The following BMAL1 variants were observed in gnomAD, a reference collection of about 807,000 sequenced individuals.
The protein encoded by BMAL1 is basic helix-loop-helix ARNT like 1.
At chr11:13,354,259 A>T in the BMAL1 span, 1 of 1,352,200 alleles carries the variant, frequency 7.4e-7, no homozygotes, top group Non-Finnish European at 9.7e-7. Flanking sequence ...TTGAGAGCTC[A>T]TCGAAATAAA....
the BMAL1 span, among the ~76,000 whole-genome samples, chr11:13,284,166 A>G: frequency 5.3e-5 from 5 of 93,774 alleles, no homozygotes; most frequent in African/African-American, 1.1e-4. Flanking sequence ...ATATGTGTGT[A>G]TATATATATA....
At chr11:13,334,528 G>GT in the BMAL1 span, among the ~76,000 whole-genome samples, 113,822 of 145,606 alleles carry the variant, frequency 0.78, 45,397 homozygotes, top group Non-Finnish European at 0.88. Context: ...GGCTCTTGAT[G>GT]TTTTTTTTTT....
At chr11:13,284,266 A>ATATATATAT in the BMAL1 span, among the ~76,000 whole-genome samples, 4 of 44,882 alleles carry the variant, frequency 8.9e-5, no homozygotes, top group Non-Finnish European at 1.9e-4. Context: ...ATATATATAT[A>ATATATATAT]TTTTTTTTTT....
the BMAL1 span, among the ~76,000 whole-genome samples, chr11:13,284,262 ATATATT>A: frequency 3.1e-5 from 2 of 64,498 alleles, no homozygotes; most frequent in African/African-American, 2.4e-4. Flanking sequence ...ATATATATAT[ATATATT>A]TTTTTTTTTA....
At chr11:13,354,050 A>C in the BMAL1 span, among the ~76,000 whole-genome samples, 2,532 of 152,292 alleles carry the variant, frequency 0.017, 31 homozygotes, top group South Asian at 0.025. Flanking sequence ...TGTCTTCACC[A>C]GAAAAATGAG....
At chr11:13,282,765 C>T in the BMAL1 span, among the ~76,000 whole-genome samples, 58 of 152,356 alleles carry the variant, frequency 3.8e-4, no homozygotes, top group Non-Finnish European at 7.2e-4. Flanking sequence ...CTCACCTGCT[C>T]GCTCAGCCTG....
chr11:13,376,907 C>T, the BMAL1 span: 1 of 601,330 alleles, frequency 1.7e-6, no homozygotes, highest in African/African-American at 1.9e-5. Flanking sequence ...GTCACTTTCT[C>T]TGTTGAGCCG....
At chr11:13,296,330 G>C in the BMAL1 span, among the ~76,000 whole-genome samples, 1 of 152,084 alleles carries the variant, frequency 6.6e-6, no homozygotes, top group Admixed American at 6.5e-5. Flanking sequence ...TGCAGTATGG[G>C]AATCTGTAAG....
the BMAL1 span, among the ~76,000 whole-genome samples, chr11:13,347,781 T>C: frequency 6.6e-6 from 1 of 151,958 alleles, no homozygotes; most frequent in African/African-American, 2.4e-5. Context: ...GCCCAGGAGA[T>C]GGAGATTGCA....
At chr11:13,287,363 T>G in the BMAL1 span, among the ~76,000 whole-genome samples, 1 of 152,162 alleles carries the variant, frequency 6.6e-6, no homozygotes, top group Non-Finnish European at 1.5e-5. Context: ...AGCGAGGAGT[T>G]GGTACAAGAA....
At chr11:13,329,216 T>C in the BMAL1 span, among the ~76,000 whole-genome samples, 175 of 152,294 alleles carry the variant, frequency 1.1e-3, no homozygotes, top group African/African-American at 4.1e-3. Flanking sequence ...TTACGTCGGA[T>C]GGCCAGCAGA....
chr11:13,307,436 C>T, the BMAL1 span, among the ~76,000 whole-genome samples: 14 of 152,256 alleles, frequency 9.2e-5, no homozygotes, highest in South Asian at 8.3e-4. Flanking sequence ...TCACCTGTAG[C>T]GACAGCATCA....
chr11:13,343,703 A>G, the BMAL1 span, among the ~76,000 whole-genome samples: 2 of 152,192 alleles, frequency 1.3e-5, no homozygotes, highest in Non-Finnish European at 2.9e-5. Flanking sequence ...AGCTAGATGC[A>G]TGCCCTGGGG....
At chr11:13,347,861 ATAAG>A in the BMAL1 span, among the ~76,000 whole-genome samples, 2 of 152,216 alleles carry the variant, frequency 1.3e-5, no homozygotes, top group African/African-American at 2.4e-5. Context: ...AAATAATTAA[ATAAG>A]TAAGTAAATT....
At chr11:13,356,336 T>C in the BMAL1 span, 11 of 472,620 alleles carry the variant, frequency 2.3e-5, no homozygotes, top group African/African-American at 9.8e-5. Context: ...ATGCTCAATA[T>C]GTTTTGCAAA....
the BMAL1 span, among the ~76,000 whole-genome samples, chr11:13,304,690 C>T: frequency 2.6e-5 from 4 of 152,202 alleles, no homozygotes; most frequent in Non-Finnish European, 4.4e-5. Context: ...TTTAGAGTGA[C>T]ATGGCAGGGA....
the BMAL1 span, among the ~76,000 whole-genome samples, chr11:13,284,142 ATGTG>A: frequency 0.016 from 518 of 33,096 alleles, 38 homozygotes; most frequent in Non-Finnish European, 0.02. Context: ...ATATATATAT[ATGTG>A]TATATATATA....
chr11:13,290,562 T>A, the BMAL1 span, among the ~76,000 whole-genome samples: 5 of 53,420 alleles, frequency 9.4e-5, no homozygotes, highest in South Asian at 3.3e-3. Flanking sequence ...AGTGTATATA[T>A]TATTATTATT....
At chr11:13,379,297 G>A in the BMAL1 span, 4 of 152,290 alleles carry the variant, frequency 2.6e-5, no homozygotes, top group African/African-American at 9.6e-5. Context: ...TCTTCAGAAC[G>A]AAACTTAATG....
Sources: gnomAD v4.1 joint callset for allele counts (sites outside exome capture counted in the v4.1 genomes callset) on GRCh38, gnomAD v4.1.1 for gene constraint, MANE v1.5 for transcripts, NCBI Gene and HGNC (gene_info 2026-07-23, HGNC 2026-07-21) for gene names.